SRRM4: variants seen among roughly 807,000 people sequenced by gnomAD.
SRRM4 encodes serine/arginine repetitive matrix protein 4.
SRRM4 carries 33 observed loss-of-function variants against 68.9 expected under a neutral mutation model. The observed-to-expected ratio is 0.48, with a 90% CI of 0.36 to 0.64. The LOEUF (loss-of-function observed/expected upper bound fraction) is 0.64. Among genes scored for constraint, SRRM4 ranks in the 30% least tolerant of loss-of-function variants. SRRM4 has a pLI of 0.00. For synonymous variants in SRRM4, 318 were observed against 318.8 expected, an observed-to-expected ratio of 1.00 and a Z score of 0.03; for missense variants, 817 against 827.1, an observed-to-expected ratio of 0.99 and a Z score of 0.15.
At chr12:118,987,140 G>A (rs1953287609) in intron 1 of SRRM4, among the ~76,000 whole-genome samples, 1 of 152,132 alleles carries the variant, frequency 6.6e-6, no homozygotes, top group Admixed American at 6.5e-5. Context: ...GCAAGCTGCA[G>A]GACCCGCTAG....
At chr12:119,137,434 C>G (rs759847715) in intron 8 of SRRM4, among the ~76,000 whole-genome samples, 2 of 152,136 alleles carry the variant, frequency 1.3e-5, no homozygotes, top group Non-Finnish European at 2.9e-5. Context: ...CAATAAATAA[C>G]AGTGCCGGCT....
At chr12:119,101,034 G>A (rs773861153) in intron 1 of SRRM4, among the ~76,000 whole-genome samples, 2 of 152,136 alleles carry the variant, frequency 1.3e-5, no homozygotes, top group African/African-American at 2.4e-5. Context: ...ATATTGACTG[G>A]GCTTGACTTG....
At chr12:119,061,635 A>C (rs925510577) in intron 1 of SRRM4, among the ~76,000 whole-genome samples, 9 of 152,174 alleles carry the variant, frequency 5.9e-5, no homozygotes, top group African/African-American at 2.2e-4. Context: ...CAATCTTCCA[A>C]GGGGTTGAGG....
chr12:119,019,678 C>G (rs573769274), intron 1 of SRRM4, among the ~76,000 whole-genome samples: 2 of 152,136 alleles, frequency 1.3e-5, no homozygotes, highest in Non-Finnish European at 2.9e-5. Flanking sequence ...CATCCTGCCA[C>G]GGGCTCCCTG....
intron 1 of SRRM4, among the ~76,000 whole-genome samples, chr12:119,064,173 T>C (rs746950794): frequency 1.3e-5 from 2 of 152,216 alleles, no homozygotes; most frequent in Non-Finnish European, 2.9e-5. Flanking sequence ...CATTTTGGCT[T>C]CCAAAAACCC....
At chr12:118,996,890 T>C (rs1319794054) in intron 1 of SRRM4, among the ~76,000 whole-genome samples, 3 of 152,216 alleles carry the variant, frequency 2.0e-5, no homozygotes, top group Admixed American at 6.5e-5. Flanking sequence ...TTCTAGGTGA[T>C]TACTTCAGTG....
intron 2 of SRRM4, among the ~76,000 whole-genome samples, chr12:119,112,971 TA>T (rs1954153905): frequency 6.6e-6 from 1 of 150,994 alleles, no homozygotes; most frequent in Non-Finnish European, 1.5e-5. Context: ...AATTTAAAAT[TA>T]AAATTAAAAA....
At chr12:119,070,454 A>C (rs1417122679) in intron 1 of SRRM4, among the ~76,000 whole-genome samples, 1 of 152,128 alleles carries the variant, frequency 6.6e-6, no homozygotes, top group Non-Finnish European at 1.5e-5. Flanking sequence ...TATTCTGTGG[A>C]GCTATTTCAG....
At chr12:119,042,942 G>C (rs780884369) in intron 1 of SRRM4, among the ~76,000 whole-genome samples, 3 of 152,152 alleles carry the variant, frequency 2.0e-5, no homozygotes, top group Non-Finnish European at 4.4e-5. Context: ...CACTGTTGGT[G>C]GGAGTGTAAA....
chr12:119,043,918 T>C (rs1953687662), intron 1 of SRRM4, among the ~76,000 whole-genome samples: 1 of 151,966 alleles, frequency 6.6e-6, no homozygotes, highest in South Asian at 2.1e-4. Flanking sequence ...CAGGCTGGAG[T>C]GCAATGGCGC....
intron 1 of SRRM4, among the ~76,000 whole-genome samples, chr12:119,063,511 C>T (rs1451808232): frequency 6.6e-6 from 1 of 152,180 alleles, no homozygotes; most frequent in Non-Finnish European, 1.5e-5. Flanking sequence ...TCACTCTTGC[C>T]TTAAAACTTC....
intron 2 of SRRM4, among the ~76,000 whole-genome samples, chr12:119,105,984 G>C (rs556184392): frequency 1.2e-4 from 19 of 152,252 alleles, no homozygotes; most frequent in Middle Eastern, 3.4e-3. Flanking sequence ...ATTAATTTTT[G>C]TATAAGGTGT....
intron 1 of SRRM4, among the ~76,000 whole-genome samples, chr12:119,053,509 CTTGAGAAAGGT>C (rs1409355345): frequency 4.6e-5 from 7 of 152,150 alleles, no homozygotes; most frequent in Non-Finnish European, 1.0e-4. Context: ...ACTGTGTTGC[CTTGAGAAAGGT>C]TTGTGACTCT....
rs73213730 is a variant in SRRM4 at position 119,102,398 on chromosome 12, G to A, written c.278+16G>A. ...GAGGACACAGGTGAGATCCAATGAG[G>A]ACGTTCAAGTTGAAGATACAGAAAT... On this transcript the variant is annotated intron_variant, in intron 2 of 12. Coordinates refer to ENST00000267260, the MANE Select transcript of SRRM4 (RefSeq NM_194286.4). 107,467 of 1,592,954 alleles carry A rather than the reference G, an allele frequency of 0.067. 3,845 individuals carry two copies. Among genetic ancestry groups the A allele is most frequent in the Admixed American group, 0.11 (6,190 of 57,756 alleles).
intron 2 of SRRM4, among the ~76,000 whole-genome samples, chr12:119,112,660 G>A (rs1334349697): frequency 6.6e-6 from 1 of 152,174 alleles, no homozygotes; most frequent in Admixed American, 6.6e-5. Flanking sequence ...CAGGCACAAG[G>A]ATGAAGCTGG....
chr12:119,130,008 GATGAATGC>G (rs969233199), intron 7 of SRRM4, among the ~76,000 whole-genome samples: 9 of 129,370 alleles, frequency 7.0e-5, no homozygotes, highest in South Asian at 5.5e-4. Flanking sequence ...TGGATGGATG[GATGAATGC>G]ATAGATGGTT....
At chr12:119,061,813 C>T (rs1953813949) in intron 1 of SRRM4, among the ~76,000 whole-genome samples, 1 of 152,008 alleles carries the variant, frequency 6.6e-6, no homozygotes, top group African/African-American at 2.4e-5. Context: ...AGACTTGCAG[C>T]TTCCCTGGCC....
At chr12:119,152,133 T>G (rs1007570399) in intron 10 of SRRM4, among the ~76,000 whole-genome samples, 4 of 152,174 alleles carry the variant, frequency 2.6e-5, no homozygotes, top group African/African-American at 9.7e-5. Flanking sequence ...AATCAACCCA[T>G]AAATTCAGGG....
intron 11 of SRRM4, 124 bp downstream of exon 11, chr12:119,153,773 A>G (rs1482442453): frequency 1.6e-5 from 11 of 674,808 alleles, no homozygotes; most frequent in Non-Finnish European, 2.0e-5. Flanking sequence ...CTGACTCAGC[A>G]TTCTTACAGT....
Sources: allele counts gnomAD v4.1 joint callset (sites outside exome capture counted in the v4.1 genomes callset), GRCh38; gene constraint gnomAD v4.1.1; transcripts MANE v1.5; gene names NCBI Gene and HGNC (gene_info 2026-07-23, HGNC 2026-07-21).